The following RILPL2 variants were observed in gnomAD, a reference collection of about 807,000 sequenced individuals.
The protein encoded by RILPL2 is RILP-like protein 2.
A neutral mutation model predicts 22.2 loss-of-function variants in RILPL2; 19 were observed. The ratio of observed to expected loss-of-function variants is 0.86; its 90% CI spans 0.60 to 1.25. The LOEUF is 1.25. Among genes scored for constraint, RILPL2 ranks in the 50% most tolerant of loss-of-function variants. The probability of loss-of-function intolerance (pLI) is 0.00; values close to 1 mark genes in which losing one functional copy is unlikely to be tolerated. For missense variants in RILPL2, 243 were observed against 263.6 expected (o/e 0.92, Z 0.54); for synonymous variants, 123 against 111.6 (o/e 1.10, Z -0.64).
At chr12:123,422,825 T>C (rs771767660) in intron 3 of RILPL2, among the ~76,000 whole-genome samples, 2 of 152,164 alleles carry the variant, frequency 1.3e-5, no homozygotes, top group East Asian at 1.9e-4. Context: ...AGGGTCACTG[T>C]GATGATTCGA....
In RILPL2 at chr12:123,436,211, G is replaced by C. The variant is rs1431331350; in HGVS notation, c.210C>G (p.Arg70=). 3.1e-6 allele frequency: 5 copies of C among 1,612,420 alleles called. No homozygotes were observed. The highest frequency in any genetic ancestry group is 3.4e-6 in the Non-Finnish European group (4 of 1,179,426). The change falls in exon 1 of 4, where the codon CGC becomes CGG. Residue 70 remains arginine (R), a synonymous_variant. Coordinates refer to ENST00000280571, the MANE Select transcript of RILPL2 (RefSeq NM_145058.3). This position sits in a 1 kb window ranked among gnomAD's most constrained non-coding sequence, Gnocchi z 6.7. ...RVTQLQFKVV[R]VLEMLEALVN... is the part of the protein sequence containing the mutation. ...CCAGCGCCTCCAGCATCTCCAGGAC[G>C]CGGACGACTTTGAACTGCAGCTGCG...
At chr12:123,424,649 C>T (rs1246103833) in intron 2 of RILPL2, among the ~76,000 whole-genome samples, 1 of 152,018 alleles carries the variant, frequency 6.6e-6, no homozygotes, top group Non-Finnish European at 1.5e-5. Flanking sequence ...ATTATGTTAC[C>T]AAAAAATTTC....
intron 3 of RILPL2, 45 bp downstream of exon 3, chr12:123,422,999 G>T: frequency 7.2e-7 from 1 of 1,381,332 alleles, no homozygotes; most frequent in South Asian, 1.2e-5. Context: ...CTACTTCCTT[G>T]AGTTATTATT....
chr12:123,429,711 A>G (rs1284308507), intron 2 of RILPL2, among the ~76,000 whole-genome samples: 3 of 151,452 alleles, frequency 2.0e-5, no homozygotes, highest in African/African-American at 7.3e-5. Flanking sequence ...GGTTCAAGTG[A>G]TTCTCCTGCC....
chr12:123,411,319 G>T (rs910606021), downstream of RILPL2: 1 of 151,720 alleles, frequency 6.6e-6, no homozygotes, highest in African/African-American at 2.4e-5. Context: ...GTGAGCCACC[G>T]CGCCCAGCCC....
At chr12:123,419,850 G>C (rs1043120878) in intron 3 of RILPL2, among the ~76,000 whole-genome samples, 1 of 151,542 alleles carries the variant, frequency 6.6e-6, no homozygotes, top group African/African-American at 2.4e-5. Context: ...CTGGAGTGCA[G>C]TGGTGCGATC....
chr12:123,414,100 G>C (rs912764347), downstream of RILPL2: 1 of 153,720 alleles, frequency 6.5e-6, no homozygotes, highest in Non-Finnish European at 1.4e-5. Context: ...TGCCAGTCCC[G>C]TGCCCTGTGC....
chr12:123,409,868 C>T, the RILPL2 span, among the ~76,000 whole-genome samples: 3 of 151,940 alleles, frequency 2.0e-5, no homozygotes, highest in East Asian at 1.9e-4. Context: ...GGATTACAGG[C>T]GCCAGCCACC....
chr12:123,413,261 G>C (rs569618555), downstream of RILPL2: 3 of 178,594 alleles, frequency 1.7e-5, no homozygotes, highest in East Asian at 5.3e-4. Flanking sequence ...GTCCGGAATT[G>C]GTGGGTTCTT....
chr12:123,421,593 C>T (rs1167545406), intron 3 of RILPL2, among the ~76,000 whole-genome samples: 1 of 151,946 alleles, frequency 6.6e-6, no homozygotes. Context: ...CCCTGTGCTC[C>T]TGCCCCTTGC....
intron 2 of RILPL2, among the ~76,000 whole-genome samples, chr12:123,426,385 T>A (rs1027331969): frequency 6.6e-6 from 1 of 152,108 alleles, no homozygotes; most frequent in Non-Finnish European, 1.5e-5. Flanking sequence ...ACTCCTGACC[T>A]CAGGTGATCC....
At chr12:123,417,276 G>A (rs1243329858) in intron 3 of RILPL2, among the ~76,000 whole-genome samples, 1 of 150,788 alleles carries the variant, frequency 6.6e-6, no homozygotes, top group Non-Finnish European at 1.5e-5. Flanking sequence ...ACCAGCCTGG[G>A]TGACAGAGTG....
intron 2 of RILPL2, among the ~76,000 whole-genome samples, chr12:123,428,049 T>C (rs532572629): frequency 6.6e-6 from 1 of 152,308 alleles, no homozygotes; most frequent in Non-Finnish European, 1.5e-5. Flanking sequence ...AGAAAGAAAG[T>C]GTGTGGTTTT....
At position 123,436,300 on chromosome 12, in the gene RILPL2, C is replaced by A. The variant is rs867333849; in HGVS notation, c.121G>T (p.Val41Leu). Reference sequence around the variant, plus strand: ...CCCAACAGGTAGGAGATGTCATACACGTCCTCGGCGGTCAGCTGGAAGGGG... The same window carrying A: ...CCCAACAGGTAGGAGATGTCATACAAGTCCTCGGCGGTCAGCTGGAAGGGG... ...KSPFQLTAEDVYDISYLLGRE... is the reference protein window; with the variant it reads ...KSPFQLTAEDLYDISYLLGRE... Residue 41 changes from valine to leucine, a missense_variant, in exon 1 of 4, where the codon GTG (valine) becomes TTG (leucine). Transcript: ENST00000280571. This position sits in a 1 kb window ranked among gnomAD's most constrained non-coding sequence, Gnocchi z 6.7. 15 of 1,596,034 alleles carry A rather than the reference C, an allele frequency of 9.4e-6. No individual in the cohort carries two copies. In the East Asian group the frequency reaches 2.7e-4, roughly 29 times the overall value.
intron 2 of RILPL2, 46 bp from the exon 3 acceptor site, chr12:123,423,203 G>A (rs201008063): frequency 7.3e-6 from 6 of 826,674 alleles, no homozygotes; most frequent in African/African-American, 4.0e-5. Context: ...ATTACAGATC[G>A]TTTTTTTTTT....
At chr12:123,421,045 T>C (rs919799202) in intron 3 of RILPL2, among the ~76,000 whole-genome samples, 2 of 143,814 alleles carry the variant, frequency 1.4e-5, no homozygotes, top group Non-Finnish European at 3.1e-5. Context: ...TGTTAAATCT[T>C]TTTTTTTTTT....
rs138133465 is a variant in RILPL2 at position 123,432,756 on chromosome 12, G to A, written c.340-2097C>T. ...GGACTTCCTCCATATCCTTGTGCCC[G>A]GAGAGGGAGGCAAAAATAACACAGA... On this transcript the variant is annotated intron_variant, in intron 1 of 3. Coordinates refer to ENST00000280571, the MANE Select transcript of RILPL2 (RefSeq NM_145058.3). Among the ~76,000 whole-genome samples, 705 of 152,212 alleles carry A rather than the reference G, an allele frequency of 4.6e-3. 6 individuals carry two copies. Among genetic ancestry groups the A allele is most frequent in the Non-Finnish European group, 7.9e-3 (537 of 68,018 alleles).
intron 2 of RILPL2, among the ~76,000 whole-genome samples, chr12:123,428,259 C>G (rs1352915224): frequency 6.6e-6 from 1 of 152,194 alleles, no homozygotes; most frequent in East Asian, 1.9e-4. Flanking sequence ...GCCTCAGCCT[C>G]CCAAGTAGCT....
At chr12:123,430,697 A>T (rs767472064) in intron 1 of RILPL2, 38 bp from the exon 2 acceptor site, 1 of 1,317,022 alleles carries the variant, frequency 7.6e-7, no homozygotes, top group Non-Finnish European at 9.8e-7. Flanking sequence ...GCAACTCTAT[A>T]TAATTAAATT....
Sources: gnomAD v4.1 joint callset for allele counts (sites outside exome capture counted in the v4.1 genomes callset) on GRCh38, gnomAD v4.1.1 for gene constraint, Gnocchi (gnomAD v3.1) non-coding constraint, MANE v1.5 for transcripts, NCBI Gene and HGNC (gene_info 2026-07-23, HGNC 2026-07-21) for gene names.